MALT1: variants seen among roughly 807,000 people sequenced by gnomAD.
The protein encoded by MALT1 is mucosa-associated lymphoid tissue lymphoma translocation protein 1.
MALT1 carries 36 observed loss-of-function variants against 85.5 expected under a neutral mutation model. That is an observed-to-expected ratio of 0.42 (90% confidence interval 0.32 to 0.56). The LOEUF (loss-of-function observed/expected upper bound fraction) is 0.56. Among genes scored for constraint, MALT1 ranks in the 20% least tolerant of loss-of-function variants. MALT1 has a pLI of 0.10. For missense variants in MALT1, 716 were observed against 981.6 expected (o/e 0.73, Z 3.62); for synonymous variants, 359 against 361.3 (o/e 0.99, Z 0.07).
chr18:58,719,057 A>G (rs1389166753), intron 9 of MALT1, among the ~76,000 whole-genome samples: 3 of 152,176 alleles, frequency 2.0e-5, no homozygotes, highest in Admixed American at 6.5e-5. Context: ...GCTGGAGGCT[A>G]TACTGGTAAT....
chr18:58,706,663 G>A (rs8095700), intron 4 of MALT1, among the ~76,000 whole-genome samples: 27,392 of 151,902 alleles, frequency 0.18, 3,213 homozygotes, highest in African/African-American at 0.33. Flanking sequence ...ATAATTTGTA[G>A]ACAAATTATC....
chr18:58,672,440 T>C (rs1210247574), intron 1 of MALT1: 1 of 152,208 alleles, frequency 6.6e-6, no homozygotes, highest in Admixed American at 6.5e-5. Context: ...GAAGTAAAAC[T>C]ATTTTCCTTG....
intron 3 of MALT1, chr18:58,697,338 G>T (rs1294900903): frequency 6.6e-6 from 1 of 152,134 alleles, no homozygotes; most frequent in Non-Finnish European, 1.5e-5. Flanking sequence ...TGAATTCTGT[G>T]GTTTTATACG....
At chr18:58,693,078 A>G (rs1011892137) in intron 2 of MALT1, among the ~76,000 whole-genome samples, 4 of 152,230 alleles carry the variant, frequency 2.6e-5, no homozygotes, top group Admixed American at 2.0e-4. Context: ...GTGAAGCAGC[A>G]AGTACTAGTG....
At chr18:58,705,320 G>A (rs902417857) in intron 4 of MALT1, among the ~76,000 whole-genome samples, 1 of 143,772 alleles carries the variant, frequency 7.0e-6, no homozygotes, top group East Asian at 2.1e-4. Context: ...GTGTGTGTGT[G>A]TGTATTTATT....
chr18:58,749,309 A>G lies in MALT1; in HGVS notation c.*1467A>G, dbSNP rs2055415604. The G allele has an allele frequency of 9.2e-6, 2 of 216,298 alleles. No homozygotes were observed. The highest frequency in any genetic ancestry group is 4.5e-5 in the African/African-American group (2 of 44,380). The allele number at this position is 216,298 out of a possible 1,614,324, so 13.4% of individuals were successfully genotyped here. Reference sequence around the variant, plus strand: ...TTCTTAATTCATCCTAGCAAATTCTACCTTATTTTACAGAAGTGAAAGTGA... The same window carrying G: ...TTCTTAATTCATCCTAGCAAATTCTGCCTTATTTTACAGAAGTGAAAGTGA... On this transcript the variant is annotated 3_prime_UTR_variant, in exon 17 of 17. Transcript: ENST00000649217.
intron 1 of MALT1, among the ~76,000 whole-genome samples, chr18:58,673,579 T>G (rs1398475927): frequency 3.3e-5 from 5 of 152,118 alleles, no homozygotes; most frequent in Non-Finnish European, 7.4e-5. Flanking sequence ...CTCAGCCTCC[T>G]GAGTAGCTGG....
chr18:58,677,048 C>G (rs1405883313), intron 1 of MALT1, among the ~76,000 whole-genome samples: 1 of 152,048 alleles, frequency 6.6e-6, no homozygotes, highest in African/African-American at 2.4e-5. Flanking sequence ...TAAATTAAAT[C>G]AAAAATTCTA....
intron 14 of MALT1, among the ~76,000 whole-genome samples, chr18:58,743,325 G>C (rs768359903): frequency 2.2e-4 from 33 of 152,304 alleles, no homozygotes; most frequent in Non-Finnish European, 3.4e-4. Context: ...GCAGTAAGCT[G>C]AGGTCACGCC....
At chr18:58,717,746 CAAAAA>C (rs35207196) in intron 9 of MALT1, among the ~76,000 whole-genome samples, 142 of 100,560 alleles carry the variant, frequency 1.4e-3, no homozygotes, top group African/African-American at 5.0e-3. Flanking sequence ...ACTCTTGTCT[CAAAAA>C]AAAAAAAAAA....
intron 9 of MALT1, among the ~76,000 whole-genome samples, chr18:58,719,703 A>G (rs1192707721): frequency 2.0e-5 from 3 of 152,180 alleles, no homozygotes; most frequent in Non-Finnish European, 4.4e-5. Context: ...AAAGATAGGC[A>G]TGGACTAGAA....
intron 5 of MALT1, 22 bp downstream of exon 5, chr18:58,709,578 CT>C (rs1321687728): frequency 1.5e-5 from 24 of 1,565,136 alleles, no homozygotes; most frequent in Middle Eastern, 1.8e-4. Flanking sequence ...ATTTTGGGGT[CT>C]TTTGGGGGAG....
At position 58,748,890 on chromosome 18, in the gene MALT1, TA is replaced by T. The variant is rs1316892810; in HGVS notation, c.*1049del. 4.8e-6 allele frequency: 1 copy of T among 207,808 alleles called. No homozygotes were observed. Among genetic ancestry groups the T allele is most frequent in the Non-Finnish European group, 9.8e-6 (1 of 102,088 alleles). The allele number at this position is 207,808 out of a possible 1,614,324, so 12.9% of individuals were successfully genotyped here. ...ATTTTTTGCACACTGTTTCTAAAAG[TA>T]GGAGAGGAAAGAACACTTCCCAACT... On this transcript the variant is annotated 3_prime_UTR_variant, in exon 17 of 17. Transcript: ENST00000649217.
In MALT1 at chr18:58,752,275, T is replaced by TA. The variant is rs1485584863; in HGVS notation, c.*4437dup. 9 of 152,338 alleles carry TA rather than the reference T, an allele frequency of 5.9e-5. No individual in the cohort carries two copies. Among genetic ancestry groups the TA allele is most frequent in the African/African-American group, 2.2e-4 (9 of 41,592 alleles). The allele number at this position is 152,338 out of a possible 1,614,324, so 9.4% of individuals were successfully genotyped here. A position where few individuals can be genotyped will look rare whatever the true frequency, so the allele number is the denominator to read the frequency against. On this transcript the variant is annotated 3_prime_UTR_variant, in exon 17 of 17. Transcript: ENST00000649217. Reference sequence around the variant, plus strand: ...CAGCAGCATCAGTTTAATATCTAGATAAAATCTGATGTATGTAATTTTACT... The same window carrying TA: ...CAGCAGCATCAGTTTAATATCTAGATAAAAATCTGATGTATGTAATTTTACT...
chr18:58,726,724 G>GA (rs1295395202), intron 10 of MALT1, among the ~76,000 whole-genome samples: 13 of 152,202 alleles, frequency 8.5e-5, no homozygotes, highest in Non-Finnish European at 1.8e-4. Flanking sequence ...ATGTTGTATA[G>GA]ATGGCCAGGA....
intron 2 of MALT1, among the ~76,000 whole-genome samples, chr18:58,693,322 T>A (rs1294688222): frequency 2.0e-5 from 3 of 152,106 alleles, no homozygotes; most frequent in African/African-American, 7.2e-5. Context: ...CTCGGGAGGC[T>A]GAGGTGGGAG....
At chr18:58,692,441 TCTCCCTCC>T (rs34461599) in intron 2 of MALT1, among the ~76,000 whole-genome samples, 75,724 of 118,796 alleles carry the variant, frequency 0.64, 24,333 homozygotes, top group African/African-American at 0.71. Flanking sequence ...TCTCTCACTC[TCTCCCTCC>T]CTCCCTCCCT....
In MALT1 at chr18:58,709,479, G is replaced by A. The variant is rs770528557; in HGVS notation, c.751G>A (p.Val251Ile). 1 of 1,613,414 alleles carries A rather than the reference G, an allele frequency of 6.2e-7. No individual in the cohort carries two copies. The highest frequency in any genetic ancestry group is 1.1e-5 in the South Asian group (1 of 90,982). ...CACATTGGTTTTACAGTGTGTTGCTGTTGGAAGCCCTATTCCTCACTACCA... is the reference window on the plus strand; with the variant it reads ...CACATTGGTTTTACAGTGTGTTGCTATTGGAAGCCCTATTCCTCACTACCA... Reference protein sequence around the residue: ...GSTLVLQCVAVGSPIPHYQWF... With the variant: ...GSTLVLQCVAIGSPIPHYQWF... Residue 251 changes from valine (V) to isoleucine (I), a missense_variant, in exon 5 of 17, where the codon GTT becomes ATT. Around this residue, in one of 4 missense-constraint regions of MALT1, gnomAD observed 290 missense variants for 380.5 expected, o/e 0.76. Transcript: ENST00000649217.
Position 58,751,781 on chromosome 18 carries a change from T to A in MALT1, c.*3939T>A, listed in dbSNP as rs1252574560. ...CAAATTCAAAGCCAATACTTGATGCTGAGAGGGGATATTTTCTGGAAGGTA... is the reference window on the plus strand; with the variant it reads ...CAAATTCAAAGCCAATACTTGATGCAGAGAGGGGATATTTTCTGGAAGGTA... On this transcript the variant is annotated 3_prime_UTR_variant, in exon 17 of 17. Transcript: ENST00000649217. The A allele has an allele frequency of 6.6e-6, 1 of 152,188 alleles. No homozygotes were observed. The highest frequency in any genetic ancestry group is 1.5e-5 in the Non-Finnish European group (1 of 68,010). 9.4% of individuals were successfully genotyped at this position (152,188 alleles called of 1,614,324 possible).
Sources: allele counts gnomAD v4.1 joint callset (sites outside exome capture counted in the v4.1 genomes callset), GRCh38; gene constraint gnomAD v4.1.1; regional missense constraint gnomAD v4.1.1; transcripts MANE v1.5; gene names NCBI Gene and HGNC (gene_info 2026-07-23, HGNC 2026-07-21).